The following FTCDNL1 variants were observed in gnomAD, a reference collection of about 807,000 sequenced individuals.
The protein encoded by FTCDNL1 is formiminotransferase cyclodeaminase N-terminal like.
FTCDNL1 carries 11 observed loss-of-function variants against 5.9 expected under a neutral mutation model. The observed-to-expected ratio is 1.87, with a 90% CI of 1.18 to 3.10. The LOEUF is 3.10. Ranked by LOEUF, FTCDNL1 falls within the 30% of genes most tolerant of loss-of-function variation. The pLI is 0.00. For missense variants in FTCDNL1, 115 were observed against 65.5 expected (o/e 1.76, Z -2.61); for synonymous variants, 58 against 24.8 (o/e 2.34, Z -3.99).
At chr2:199,832,494 G>GC (rs759457334) in intron 3 of FTCDNL1, among the ~76,000 whole-genome samples, 16 of 152,196 alleles carry the variant, frequency 1.1e-4, no homozygotes, top group Non-Finnish European at 1.8e-4. Context: ...AATAGGTACT[G>GC]AATATCATTT....
the FTCDNL1 span, among the ~76,000 whole-genome samples, chr2:199,666,055 T>C: frequency 1.3e-5 from 2 of 152,226 alleles, no homozygotes; most frequent in East Asian, 3.8e-4. Context: ...CCTTGTGATT[T>C]AACCTGCTAA....
chr2:199,792,905 A>C (rs1700000634), intron 3 of FTCDNL1, among the ~76,000 whole-genome samples: 1 of 152,208 alleles, frequency 6.6e-6, no homozygotes, highest in South Asian at 2.1e-4. Context: ...ATACTGGTTA[A>C]ATTAAGGAAC....
At chr2:199,667,371 T>C in the FTCDNL1 span, among the ~76,000 whole-genome samples, 1 of 152,120 alleles carries the variant, frequency 6.6e-6, no homozygotes, top group Admixed American at 6.6e-5. Flanking sequence ...ACATGGTAGC[T>C]CATCCCTGTA....
At chr2:199,781,901 TC>T (rs1240621252) in intron 3 of FTCDNL1, among the ~76,000 whole-genome samples, 3 of 152,170 alleles carry the variant, frequency 2.0e-5, no homozygotes, top group African/African-American at 4.8e-5. Context: ...TGCCTCAGCC[TC>T]CCGAGTAGCT....
At chr2:199,676,813 T>C in the FTCDNL1 span, among the ~76,000 whole-genome samples, 1 of 152,170 alleles carries the variant, frequency 6.6e-6, no homozygotes, top group Non-Finnish European at 1.5e-5. Flanking sequence ...TATAAGTTGT[T>C]ATGTTGTTAT....
At chr2:199,826,530 T>C (rs965846949) in intron 3 of FTCDNL1, among the ~76,000 whole-genome samples, 15 of 149,308 alleles carry the variant, frequency 1.0e-4, no homozygotes, top group Non-Finnish European at 1.5e-4. Context: ...TGCGGTGGCT[T>C]ACGCCCATAA....
the FTCDNL1 span, among the ~76,000 whole-genome samples, chr2:199,673,664 G>T: frequency 6.6e-6 from 1 of 152,108 alleles, no homozygotes; most frequent in Non-Finnish European, 1.5e-5. Flanking sequence ...AAAATTAGAT[G>T]CATAAACAAG....
intron 3 of FTCDNL1, among the ~76,000 whole-genome samples, chr2:199,831,226 G>A (rs1281457216): frequency 1.3e-5 from 2 of 152,160 alleles, no homozygotes; most frequent in Non-Finnish European, 2.9e-5. Context: ...ATTTATTATG[G>A]AAATGAGGTC....
chr2:199,714,629 T>C, the FTCDNL1 span, among the ~76,000 whole-genome samples: 1 of 151,854 alleles, frequency 6.6e-6, no homozygotes, highest in Non-Finnish European at 1.5e-5. Context: ...AAGTTGACAG[T>C]GAAAAGAAAC....
At chr2:199,668,017 T>G in the FTCDNL1 span, among the ~76,000 whole-genome samples, 1 of 152,192 alleles carries the variant, frequency 6.6e-6, no homozygotes, top group African/African-American at 2.4e-5. Flanking sequence ...TTAGTAGAGA[T>G]GCAGAGGAAG....
At chr2:199,721,973 ATTTGTC>A in the FTCDNL1 span, among the ~76,000 whole-genome samples, 12 of 151,952 alleles carry the variant, frequency 7.9e-5, no homozygotes, top group African/African-American at 2.9e-4. Context: ...TAATGGAGTC[ATTTGTC>A]TTTTTCTTAT....
At chr2:199,736,443 C>T in the FTCDNL1 span, among the ~76,000 whole-genome samples, 314 of 152,308 alleles carry the variant, frequency 2.1e-3, no homozygotes, top group Non-Finnish European at 3.9e-3. Flanking sequence ...TTAGAACTCA[C>T]AATGTGGATG....
At chr2:199,840,699 G>A in intron 3 of FTCDNL1, among the ~76,000 whole-genome samples, 1 of 152,158 alleles carries the variant, frequency 6.6e-6, no homozygotes, top group East Asian at 1.9e-4. Context: ...TGTATGGTAG[G>A]AGGTAAAGGG....
chr2:199,744,010 T>C, the FTCDNL1 span, among the ~76,000 whole-genome samples: 1 of 152,232 alleles, frequency 6.6e-6, no homozygotes, highest in African/African-American at 2.4e-5. Context: ...TTAGGCTTTA[T>C]ATGTTTCTTG....
intron 3 of FTCDNL1, among the ~76,000 whole-genome samples, chr2:199,838,835 A>G (rs1179456504): frequency 2.0e-5 from 3 of 152,186 alleles, no homozygotes; most frequent in East Asian, 1.9e-4. Context: ...AGTAATGAAA[A>G]GAGAGGAATT....
At chr2:199,847,742 A>G (rs1459772488) in intron 2 of FTCDNL1, among the ~76,000 whole-genome samples, 1 of 152,214 alleles carries the variant, frequency 6.6e-6, no homozygotes, top group Admixed American at 6.5e-5. Flanking sequence ...CTGCACATTC[A>G]CTTAATCACA....
At chr2:199,782,064 T>G (rs1699393658) in intron 3 of FTCDNL1, among the ~76,000 whole-genome samples, 1 of 152,204 alleles carries the variant, frequency 6.6e-6, no homozygotes, top group Non-Finnish European at 1.5e-5. Context: ...ATTACAGGCA[T>G]GAGCCACTGC....
the FTCDNL1 span, among the ~76,000 whole-genome samples, chr2:199,740,645 C>A: frequency 1.3e-4 from 20 of 152,118 alleles, no homozygotes; most frequent in Non-Finnish European, 2.6e-4. Flanking sequence ...CCAATGGATT[C>A]ATTAGAAACA....
rs1700919128 is a variant in FTCDNL1 at position 199,809,616 on chromosome 2, CT to C, written c.*3088del. Among the ~76,000 whole-genome samples, 1 of 152,104 alleles carries C rather than the reference CT, an allele frequency of 6.6e-6. No individual in the cohort carries two copies. The highest frequency in any genetic ancestry group is 2.4e-5 in the African/African-American group (1 of 41,414). ...ACAAAAAGGCTACAAATTTTCTTTT[CT>C]TTCAAATAAAATTTCTTCTGCCAAT... is the stretch of plus-strand genomic sequence containing the variant. On this transcript the variant is annotated 3_prime_UTR_variant, in exon 5 of 5. Transcript: ENST00000420128.
Sources: gnomAD v4.1 joint callset for allele counts (sites outside exome capture counted in the v4.1 genomes callset) on GRCh38, gnomAD v4.1.1 for gene constraint, MANE v1.5 for transcripts, NCBI Gene and HGNC (gene_info 2026-07-23, HGNC 2026-07-21) for gene names.